The following CCDC30 variants were observed in gnomAD, a reference collection of about 807,000 sequenced individuals.
The protein encoded by CCDC30 is coiled-coil domain-containing protein 30.
A neutral mutation model predicts 100.2 loss-of-function variants in CCDC30; 70 were observed. The observed-to-expected ratio is 0.70, with a 90% CI of 0.58 to 0.85. The LOEUF (loss-of-function observed/expected upper bound fraction) is 0.85, where lower values mean the gene tolerates loss of function less well. CCDC30 is among the 40% of genes least tolerant of loss of function. CCDC30 has a pLI of 0.00. For synonymous variants in CCDC30, 233 were observed against 269.5 expected (o/e 0.86, Z 1.33); for missense variants, 652 against 771.2 (o/e 0.85, Z 1.83).
intron 9 of CCDC30, among the ~76,000 whole-genome samples, chr1:42,587,443 G>A (rs1330316139): frequency 4.6e-5 from 7 of 152,188 alleles, no homozygotes; most frequent in Non-Finnish European, 8.8e-5. Context: ...CCAAAAAGAA[G>A]TAGGCCATAA....
intron 11 of CCDC30, among the ~76,000 whole-genome samples, chr1:42,630,868 C>T (rs1647025057): frequency 1.3e-5 from 2 of 152,050 alleles, no homozygotes; most frequent in South Asian, 4.1e-4. Context: ...TGAATTCATT[C>T]TCTGTATTAT....
At chr1:42,545,725 T>C (rs1344225607) in intron 6 of CCDC30, 146 bp downstream of exon 9, 2 of 638,074 alleles carry the variant, frequency 3.1e-6, no homozygotes, top group East Asian at 7.4e-5. Context: ...GGCAGGCAGA[T>C]CGCTTGAGCT....
At chr1:42,556,370 A>C in intron 6 of CCDC30, 2 of 1,613,988 alleles carry the variant, frequency 1.2e-6, no homozygotes, top group Non-Finnish European at 1.7e-6. Context: ...TCAGTCTCAG[A>C]GCTCTGGGGA....
chr1:42,629,612 C>T (rs759903553), intron 11 of CCDC30, among the ~76,000 whole-genome samples: 2 of 151,870 alleles, frequency 1.3e-5, no homozygotes, highest in Non-Finnish European at 2.9e-5. Context: ...AAACTTCCTA[C>T]TCCTATTTCT....
rs969988067 is a variant in CCDC30 at position 42,514,571 on chromosome 1, C to T, written c.456+15655C>T. Among the ~76,000 whole-genome samples, 7 of 152,078 alleles carry T rather than the reference C, an allele frequency of 4.6e-5. No homozygotes were observed. The South Asian group carries it at 6.2e-4, about 14-fold the overall frequency. Reference sequence around the variant, plus strand: ...GTGAAAATTTTTTCAAATCCTTTACCAATTTTAATGGAGTTATTTATTCTT... The same window carrying T: ...GTGAAAATTTTTTCAAATCCTTTACTAATTTTAATGGAGTTATTTATTCTT... On this transcript the variant is annotated intron_variant, in intron 6 of 16. Coordinates refer to ENST00000668663, the Ensembl canonical transcript of CCDC30.
rs745636874 is a variant in CCDC30, at chr1:42,637,243, T to A, written c.1284T>A (p.Tyr428Ter). 2 of 1,581,912 alleles carry A rather than the reference T, an allele frequency of 1.3e-6. No individual in the cohort carries two copies. The highest frequency in any genetic ancestry group is 2.1e-5 in the Admixed American group (1 of 48,408). ...CTCAAATTTACTTTTATAGAAACTA[T>A]AATGAGAAACATCACCAACAAAAAG... The change falls in exon 12 of 17, where the codon TAT becomes TAA. Residue 428 changes from tyrosine (Y) to a stop codon, truncating the protein, a stop_gained. Coordinates refer to ENST00000668663, the Ensembl canonical transcript of CCDC30. LOFTEE classifies it high-confidence loss of function.
intron 6 of CCDC30, among the ~76,000 whole-genome samples, chr1:42,564,154 T>G (rs552041375): frequency 5.9e-5 from 9 of 152,322 alleles, no homozygotes; most frequent in Admixed American, 5.2e-4. Flanking sequence ...GAATATCTTA[T>G]CTATTGAATT....
upstream of CCDC30, among the ~76,000 whole-genome samples, chr1:42,458,665 A>G (rs1422124013): frequency 1.3e-5 from 2 of 152,200 alleles, no homozygotes; most frequent in Non-Finnish European, 1.5e-5. Flanking sequence ...TTTTAGGGCA[A>G]AGTCTGATGA....
Position 42,491,003 on chromosome 1 carries a change from C to A in CCDC30, c.241+774C>A, listed in dbSNP as rs144149528. Reference sequence around the variant, plus strand: ...CCTATATAAAAATGCTACCAGTTATCAATAATATAATGAAATTTGACTATT... The same window carrying A: ...CCTATATAAAAATGCTACCAGTTATAAATAATATAATGAAATTTGACTATT... On this transcript the variant is annotated intron_variant, in intron 4 of 16. Coordinates refer to ENST00000668663, the Ensembl canonical transcript of CCDC30. Among the ~76,000 whole-genome samples, 793 of 152,166 alleles carry A rather than the reference C, an allele frequency of 5.2e-3. 8 individuals are homozygous for A. Among genetic ancestry groups the A allele is most frequent in the African/African-American group, 0.018 (766 of 41,504 alleles).
chr1:42,487,546 T>C (rs1644072234), intron 3 of CCDC30, among the ~76,000 whole-genome samples: 1 of 152,190 alleles, frequency 6.6e-6, no homozygotes, highest in Non-Finnish European at 1.5e-5. Context: ...CCTGATCTAA[T>C]CAGGTGAGCT....
intron 6 of CCDC30, 59 bp downstream of exon 10, chr1:42,556,464 T>C: frequency 6.7e-7 from 1 of 1,503,676 alleles, no homozygotes; most frequent in Non-Finnish European, 8.9e-7. Context: ...GCTGTGGATA[T>C]AAGCATCATT....
At chr1:42,545,162 T>TAAAAAAAAAA (rs57060353) in intron 6 of CCDC30, among the ~76,000 whole-genome samples, 40 of 64,696 alleles carry the variant, frequency 6.2e-4, no homozygotes, top group Non-Finnish European at 8.8e-4. Context: ...AAAATACCTT[T>TAAAAAAAAAA]AAAAAAAAAA....
chr1:42,591,883 AT>A (rs1646193628), intron 10 of CCDC30: 1 of 152,276 alleles, frequency 6.6e-6, no homozygotes, highest in Admixed American at 6.5e-5. Flanking sequence ...GCATTGCACC[AT>A]TGTGCCCTGG....
At chr1:42,499,879 T>C (rs751222693) in intron 6 of CCDC30, among the ~76,000 whole-genome samples, 11 of 152,202 alleles carry the variant, frequency 7.2e-5, no homozygotes, top group Admixed American at 2.6e-4. Flanking sequence ...GGCACTCTGA[T>C]TAAACCGCAT....
intron 6 of CCDC30, among the ~76,000 whole-genome samples, chr1:42,525,289 T>G (rs1644707161): frequency 6.6e-6 from 1 of 152,190 alleles, no homozygotes; most frequent in Admixed American, 6.5e-5. Context: ...TTTACATCCT[T>G]TGGTATTTTC....
chr1:42,518,747 CT>C (rs1288298571), intron 6 of CCDC30, among the ~76,000 whole-genome samples: 1 of 152,166 alleles, frequency 6.6e-6, no homozygotes, highest in Non-Finnish European at 1.5e-5. Context: ...AATTTTACTT[CT>C]TCCTTTTCAA....
intron 1 of CCDC30, among the ~76,000 whole-genome samples, chr1:42,476,489 G>A (rs190216124): frequency 2.4e-4 from 36 of 152,162 alleles, no homozygotes; most frequent in African/African-American, 7.2e-4. Flanking sequence ...TGGGGAGTTC[G>A]AGACCAGCTT....
intron 10 of CCDC30, chr1:42,591,793 T>C (rs1430741043): frequency 6.6e-6 from 1 of 152,358 alleles, no homozygotes; most frequent in Non-Finnish European, 1.5e-5. Context: ...GACACCCAGC[T>C]CCAACCAGTG....
intron 4 of CCDC30, among the ~76,000 whole-genome samples, chr1:42,493,148 C>A (rs1232587756): frequency 6.6e-6 from 1 of 151,668 alleles, no homozygotes; most frequent in Non-Finnish European, 1.5e-5. Flanking sequence ...TAAGTCTATA[C>A]CTCAGAAACC....
Sources: allele counts gnomAD v4.1 joint callset (sites outside exome capture counted in the v4.1 genomes callset), GRCh38; gene constraint gnomAD v4.1.1; transcripts MANE v1.5; gene names NCBI Gene and HGNC (gene_info 2026-07-23, HGNC 2026-07-21).